Variants in C7orf78 observed in about 807,000 individuals in gnomAD.
C7orf78 encodes the protein putative uncharacterized protein C7orf78.
chr7:12,539,327 G>T, the C7orf78 span, among the ~76,000 whole-genome samples: 20 of 152,226 alleles, frequency 1.3e-4, no homozygotes, highest in African/African-American at 4.6e-4. Context: ...AGCCGGGCGT[G>T]GTGGCACGCA....
the C7orf78 span, chr7:12,528,752 T>C: frequency 2.6e-6 from 1 of 389,976 alleles, no homozygotes; most frequent in East Asian, 3.6e-5. Context: ...GCAGAAAGAA[T>C]AAGAAAAGTT....
the C7orf78 span, among the ~76,000 whole-genome samples, chr7:12,509,393 G>A: frequency 6.6e-6 from 1 of 152,138 alleles, no homozygotes; most frequent in African/African-American, 2.4e-5. Flanking sequence ...GAGAGAACCT[G>A]TGTATGTACT....
chr7:12,487,805 T>C, the C7orf78 span, among the ~76,000 whole-genome samples: 1 of 152,050 alleles, frequency 6.6e-6, no homozygotes, highest in Non-Finnish European at 1.5e-5. Context: ...CTTAGCCTCA[T>C]CACTGGCATG....
the C7orf78 span, among the ~76,000 whole-genome samples, chr7:12,518,712 C>T: frequency 6.6e-6 from 1 of 152,216 alleles, no homozygotes; most frequent in Admixed American, 6.5e-5. Context: ...TTGGGAGTGT[C>T]TGTCCTCAGG....
the C7orf78 span, among the ~76,000 whole-genome samples, chr7:12,532,173 T>C: frequency 6.6e-6 from 1 of 152,324 alleles, no homozygotes; most frequent in African/African-American, 2.4e-5. Flanking sequence ...CTGTGGAAGC[T>C]TCTAGCTTGC....
chr7:12,484,881 C>T, the C7orf78 span, among the ~76,000 whole-genome samples: 1 of 152,052 alleles, frequency 6.6e-6, no homozygotes, highest in Non-Finnish European at 1.5e-5. Flanking sequence ...TGCTCCTCCC[C>T]CAAATTTGCC....
At chr7:12,483,747 G>T in the C7orf78 span, 2 of 149,814 alleles carry the variant, frequency 1.3e-5, no homozygotes, top group South Asian at 4.2e-4. Context: ...TCGCGGTGGC[G>T]GGCGCCTGTA....
the C7orf78 span, among the ~76,000 whole-genome samples, chr7:12,487,712 G>A: frequency 2.2e-4 from 33 of 152,002 alleles, no homozygotes; most frequent in Non-Finnish European, 4.0e-4. Flanking sequence ...CAAAGCCAGC[G>A]TAGCGGAAAA....
chr7:12,515,191 C>T, the C7orf78 span, among the ~76,000 whole-genome samples: 307 of 152,268 alleles, frequency 2.0e-3, 1 homozygote, highest in African/African-American at 7.2e-3. Flanking sequence ...CCATAATTCC[C>T]ATGTGTTGTG....
At chr7:12,510,832 T>C in the C7orf78 span, among the ~76,000 whole-genome samples, 1 of 152,194 alleles carries the variant, frequency 6.6e-6, no homozygotes, top group Non-Finnish European at 1.5e-5. Flanking sequence ...TATTCTCTTC[T>C]ATTCTGTAGA....
At chr7:12,528,942 TAG>T in the C7orf78 span, 8 of 398,334 alleles carry the variant, frequency 2.0e-5, no homozygotes, top group Non-Finnish European at 3.5e-5. Flanking sequence ...AACAGAAGAC[TAG>T]TACAGAAAGA....
At chr7:12,526,669 T>A in the C7orf78 span, among the ~76,000 whole-genome samples, 4 of 152,144 alleles carry the variant, frequency 2.6e-5, no homozygotes, top group African/African-American at 9.6e-5. Flanking sequence ...TATAAAAGTG[T>A]CATCTAGCTG....
the C7orf78 span, among the ~76,000 whole-genome samples, chr7:12,522,446 A>T: frequency 6.6e-6 from 1 of 152,120 alleles, no homozygotes; most frequent in South Asian, 2.1e-4. Context: ...TGTACTCATG[A>T]TGGTTTAGGC....
chr7:12,495,627 T>G, the C7orf78 span, among the ~76,000 whole-genome samples: 1 of 152,154 alleles, frequency 6.6e-6, no homozygotes, highest in Non-Finnish European at 1.5e-5. Context: ...ATTACTTATT[T>G]TTTCCAAGTA....
chr7:12,530,944 T>TA, the C7orf78 span: 1 of 397,694 alleles, frequency 2.5e-6, no homozygotes, highest in Non-Finnish European at 4.4e-6. Context: ...CAGCAAATTT[T>TA]AACAAGTAAA....
the C7orf78 span, chr7:12,491,509 G>A: frequency 3.3e-5 from 5 of 150,182 alleles, no homozygotes; most frequent in South Asian, 6.3e-4. Context: ...TCTGGGAAGC[G>A]TTCTGGCCTC....
the C7orf78 span, among the ~76,000 whole-genome samples, chr7:12,488,721 T>C: frequency 6.6e-6 from 1 of 152,088 alleles, no homozygotes; most frequent in East Asian, 1.9e-4. Context: ...AATTATAGCT[T>C]ATAAATTATG....
the C7orf78 span, among the ~76,000 whole-genome samples, chr7:12,512,225 T>C: frequency 0.12 from 18,734 of 152,150 alleles, 1,233 homozygotes; most frequent in African/African-American, 0.14. Flanking sequence ...CAGTATTTTG[T>C]TGAATCATAG....
At chr7:12,488,936 C>CTTTTTT in the C7orf78 span, among the ~76,000 whole-genome samples, 1 of 147,496 alleles carries the variant, frequency 6.8e-6, no homozygotes. Flanking sequence ...TGGTTTTTTG[C>CTTTTTT]TTTGGCTAAG....
Sources: allele counts gnomAD v4.1 joint callset (sites outside exome capture counted in the v4.1 genomes callset), GRCh38; gene constraint gnomAD v4.1.1; transcripts MANE v1.5; gene names NCBI Gene and HGNC (gene_info 2026-07-23, HGNC 2026-07-21).